Variants in UBE3B observed in about 807,000 individuals in gnomAD.
The protein encoded by UBE3B is ubiquitin protein ligase E3B.
A neutral mutation model predicts 132.3 loss-of-function variants in UBE3B; 80 were observed. The observed-to-expected ratio is 0.60, with a 90% confidence interval of 0.50 to 0.73. The LOEUF (loss-of-function observed/expected upper bound fraction) is 0.73. UBE3B is among the 30% of genes least tolerant of loss of function. The pLI, the probability that UBE3B is intolerant of heterozygous loss-of-function variation, is 0.00. For missense variants in UBE3B, 1,196 were observed against 1,362.5 expected (o/e 0.88, Z 1.92); for synonymous variants, 487 against 520.4 (o/e 0.94, Z 0.87).
At chr12:109,487,930 G>A (rs1019141573) in intron 6 of UBE3B, among the ~76,000 whole-genome samples, 1 of 152,190 alleles carries the variant, frequency 6.6e-6, no homozygotes, top group African/African-American at 2.4e-5. Context: ...GGGTCTGTGG[G>A]CCTAGAAAGC....
At chr12:109,479,038 C>G (rs1489264731) in intron 1 of UBE3B, among the ~76,000 whole-genome samples, 3 of 152,206 alleles carry the variant, frequency 2.0e-5, no homozygotes, top group African/African-American at 7.2e-5. Flanking sequence ...AGCCTTGACT[C>G]TGCCACATAC....
At chr12:109,516,698 C>A in intron 18 of UBE3B, 67 bp from the exon 19 acceptor site, 5 of 1,579,828 alleles carry the variant, frequency 3.2e-6, no homozygotes, top group Non-Finnish European at 4.3e-6. Context: ...GTCATTTTTG[C>A]AGAGTGTTTT....
chr12:109,493,403 T>G (rs763581345), intron 9 of UBE3B, among the ~76,000 whole-genome samples: 4 of 152,204 alleles, frequency 2.6e-5, no homozygotes, highest in Non-Finnish European at 5.9e-5. Context: ...ATCCCTCCCC[T>G]GTCCTGGTGT....
chr12:109,533,854 A>G (rs2136150705), intron 27 of UBE3B: 1 of 1,218,906 alleles, frequency 8.2e-7, no homozygotes, highest in Middle Eastern at 2.0e-4. Context: ...TGGCCTCACC[A>G]GGGCTCCAGA....
At chr12:109,481,251 A>C (rs1049656583) in intron 1 of UBE3B, among the ~76,000 whole-genome samples, 1 of 151,910 alleles carries the variant, frequency 6.6e-6, no homozygotes, top group Non-Finnish European at 1.5e-5. Context: ...TGGGAGCAGA[A>C]GTTATAGTGA....
At chr12:109,506,225 C>T (rs1166098322) in intron 14 of UBE3B, among the ~76,000 whole-genome samples, 1 of 152,182 alleles carries the variant, frequency 6.6e-6, no homozygotes, top group Non-Finnish European at 1.5e-5. Context: ...CCAAAGGTGG[C>T]GAGCCTGCAA....
intron 2 of UBE3B, among the ~76,000 whole-genome samples, chr12:109,482,970 G>A (rs1465800400): frequency 6.6e-6 from 1 of 152,150 alleles, no homozygotes; most frequent in Admixed American, 6.5e-5. Context: ...ATGTTGAAAT[G>A]GCCCTTTCTT....
chr12:109,489,775 C>T, intron 7 of UBE3B, 144 bp from the exon 8 acceptor site: 1 of 725,574 alleles, frequency 1.4e-6, no homozygotes, highest in Admixed American at 2.1e-5. Context: ...TGTGCTCTGG[C>T]ACCAGGCCTA....
At position 109,530,640 on chromosome 12, in the gene UBE3B, G is replaced by C; in HGVS notation, c.2904G>C (p.Glu968Asp). 6.2e-7 allele frequency: 1 copy of C among 1,614,210 alleles called. No individual in the cohort carries two copies. Among genetic ancestry groups the C allele is most frequent in the South Asian group, 1.1e-5 (1 of 91,088 alleles). The change falls in exon 26 of 28, where the codon GAG becomes GAC. Residue 968 changes from glutamate to aspartate, a missense_variant. Physicochemically the swap from Glu to Asp is conservative, Grantham distance 45. Coordinates refer to ENST00000342494, the MANE Select transcript of UBE3B (RefSeq NM_130466.4). Reference protein sequence around the residue: ...DILASDFTPDERAMFLKFVTS... With the variant: ...DILASDFTPDDRAMFLKFVTS... ...TGGCCTCCGACTTCACACCGGATGA[G>C]AGAGCTATGTTTCTGAAGGTATTTT...
At chr12:109,485,851 C>G (rs1435025253) in intron 4 of UBE3B, among the ~76,000 whole-genome samples, 161 bp from the exon 5 acceptor site, 4 of 152,202 alleles carry the variant, frequency 2.6e-5, no homozygotes. Context: ...TCTTTATGAT[C>G]TTCAGTGTCC....
chr12:109,538,000 C>T (rs1002147181), downstream of UBE3B, among the ~76,000 whole-genome samples: 9 of 152,298 alleles, frequency 5.9e-5, no homozygotes, highest in Middle Eastern at 6.8e-3. Context: ...CGCGCCCGGC[C>T]AACATTCTGG....
Position 109,521,172 on chromosome 12 carries a change from C to G in UBE3B, c.2101C>G (p.Leu701Val). The G allele has an allele frequency of 6.2e-7, 1 of 1,614,196 alleles. No individual in the cohort carries two copies. The highest frequency in any genetic ancestry group is 8.5e-7 in the Non-Finnish European group (1 of 1,180,032). ...GGACGGCTACGAGCAGCTTAGGCAG[C>G]TCTCCCAGCACGCCATGAAGGGGGT... ...LEDGYEQLRQ[L>V]SQHAMKGVIR... The change falls in exon 20 of 28, where the codon CTC (leucine) becomes GTC (valine). Residue 701 changes from leucine (L) to valine (V), a missense_variant. Physicochemically the swap from Leu to Val is conservative, Grantham distance 32. Coordinates refer to ENST00000342494, the MANE Select transcript of UBE3B (RefSeq NM_130466.4). This position sits in a 1 kb window ranked among gnomAD's most constrained non-coding sequence, Gnocchi z 4.2.
At chr12:109,523,154 A>T (rs190721391) in intron 21 of UBE3B, among the ~76,000 whole-genome samples, 96 of 152,322 alleles carry the variant, frequency 6.3e-4, no homozygotes, top group African/African-American at 2.2e-3. Flanking sequence ...GTCCTCTGAC[A>T]GGTGTCATCA....
chr12:109,521,239 C>A lies in UBE3B; in HGVS notation c.2168C>A (p.Ala723Glu), dbSNP rs1301550863. The A allele has an allele frequency of 1.2e-6, 2 of 1,614,154 alleles. No individual in the cohort carries two copies. Among genetic ancestry groups the A allele is most frequent in the Middle Eastern group, 1.6e-4 (1 of 6,062 alleles). Residue 723 changes from alanine to glutamate, a missense_variant, in exon 20 of 28, where the codon GCA (alanine) becomes GAA (glutamate). Transcript: ENST00000342494. The surrounding 1 kb of genome is among the most constrained non-coding windows in gnomAD (Gnocchi z 4.2). Reference protein sequence around the residue: ...KFVNDLGVDEAGIDQDGVFKE... With the variant: ...KFVNDLGVDEEGIDQDGVFKE... ...GTCAATGACCTCGGGGTGGACGAAGCAGGGATTGATCAAGACGGTGTTTTT... is the reference window on the plus strand; with the variant it reads ...GTCAATGACCTCGGGGTGGACGAAGAAGGGATTGATCAAGACGGTGTTTTT...
chr12:109,546,587 A>G, the UBE3B span, among the ~76,000 whole-genome samples: 2 of 152,228 alleles, frequency 1.3e-5, no homozygotes, highest in Non-Finnish European at 2.9e-5. Context: ...GGAAATTCAG[A>G]GAAAATTCAG....
intron 7 of UBE3B, among the ~76,000 whole-genome samples, chr12:109,489,172 G>A (rs1011224947): frequency 6.6e-6 from 1 of 152,220 alleles, no homozygotes; most frequent in Non-Finnish European, 1.5e-5. Context: ...ACAGAAAGGG[G>A]CATTGCCCTC....
At position 109,502,986 on chromosome 12, in the gene UBE3B, G is replaced by A. The variant is rs767212715; in HGVS notation, c.1283-37G>A. The A allele has an allele frequency of 1.9e-6, 3 of 1,613,276 alleles. No individual in the cohort carries two copies. The African/African-American group carries it at 4.0e-5, about 22-fold the overall frequency. On this transcript the variant is annotated intron_variant, in intron 13 of 27. Coordinates refer to ENST00000342494, the MANE Select transcript of UBE3B (RefSeq NM_130466.4). Reference sequence around the variant, plus strand: ...CCAGGGTGGGATTTGGCAGCTGGCTGAGCTGCTGCTCACATGTCTTCTTTT... The same window carrying A: ...CCAGGGTGGGATTTGGCAGCTGGCTAAGCTGCTGCTCACATGTCTTCTTTT...
chr12:109,517,880 G>C, intron 19 of UBE3B: 2 of 410,912 alleles, frequency 4.9e-6, no homozygotes, highest in Non-Finnish European at 5.1e-6. Flanking sequence ...TTCTCCCTCG[G>C]TGCATCGTAC....
intron 2 of UBE3B, among the ~76,000 whole-genome samples, chr12:109,482,338 C>T (rs1220130078): frequency 1.3e-5 from 2 of 152,140 alleles, no homozygotes; most frequent in African/African-American, 4.8e-5. Flanking sequence ...TCCCATCTCC[C>T]ACCTTTTGGA....
Sources: allele counts gnomAD v4.1 joint callset (sites outside exome capture counted in the v4.1 genomes callset), GRCh38; gene constraint gnomAD v4.1.1; non-coding constraint Gnocchi (gnomAD v3.1); transcripts MANE v1.5; gene names NCBI Gene and HGNC (gene_info 2026-07-23, HGNC 2026-07-21).